Variants in KCNB2 observed in about 807,000 individuals in gnomAD.
KCNB2 encodes potassium voltage-gated channel subfamily B member 2.
A neutral mutation model predicts 61.5 loss-of-function variants in KCNB2; 15 were observed. The observed-to-expected ratio is 0.24, with a 90% CI of 0.16 to 0.38. KCNB2 has a LOEUF of 0.38. KCNB2 is among the 10% of genes least tolerant of loss of function. The pLI, the probability that KCNB2 is intolerant of heterozygous loss-of-function variation, is 1.00. For missense variants in KCNB2, 828 were observed against 1,125.2 expected (o/e 0.74, Z 3.78); for synonymous variants, 457 against 446.0 (o/e 1.02, Z -0.31).
At chr8:72,868,406 C>T (rs942477086) in intron 2 of KCNB2, among the ~76,000 whole-genome samples, 1 of 151,560 alleles carries the variant, frequency 6.6e-6, no homozygotes, top group Admixed American at 6.6e-5. Flanking sequence ...GGTGAAACCC[C>T]GTCTCTACTA....
chr8:72,723,371 C>T (rs1807583015), intron 2 of KCNB2, among the ~76,000 whole-genome samples: 1 of 152,156 alleles, frequency 6.6e-6, no homozygotes. Context: ...TCTTAATAGT[C>T]ACTAAAAAAC....
At chr8:72,920,227 A>G (rs1806482909) in intron 2 of KCNB2, among the ~76,000 whole-genome samples, 2 of 151,782 alleles carry the variant, frequency 1.3e-5, no homozygotes, top group South Asian at 4.2e-4. Context: ...CAAATCATAT[A>G]ATGAAAAAAA....
intron 2 of KCNB2, among the ~76,000 whole-genome samples, chr8:72,934,392 C>G (rs12680574): frequency 2.9e-5 from 3 of 102,190 alleles, no homozygotes; most frequent in South Asian, 3.7e-4. Flanking sequence ...CTTCACCCCC[C>G]GCAAAAAAAA....
At chr8:72,800,100 G>A (rs551514234) in intron 2 of KCNB2, among the ~76,000 whole-genome samples, 9 of 152,228 alleles carry the variant, frequency 5.9e-5, no homozygotes, top group Admixed American at 3.3e-4. Flanking sequence ...GAACTGAAAC[G>A]ATCAGAATTA....
intron 2 of KCNB2, among the ~76,000 whole-genome samples, chr8:72,762,535 G>A (rs564289802): frequency 2.6e-5 from 4 of 152,136 alleles, no homozygotes; most frequent in African/African-American, 9.6e-5. Context: ...GCTCAACATT[G>A]TGTCCTGGGT....
At chr8:72,874,431 A>C (rs1222851184) in intron 2 of KCNB2, among the ~76,000 whole-genome samples, 2 of 152,168 alleles carry the variant, frequency 1.3e-5, no homozygotes, top group Non-Finnish European at 2.9e-5. Flanking sequence ...GCATCTGGAC[A>C]GTCAGTGAGT....
At position 72,938,255 on chromosome 8, in the gene KCNB2, T is replaced by C. The variant is rs1203476961; in HGVS notation, c.*164T>C. On this transcript the variant is annotated 3_prime_UTR_variant, in exon 3 of 3. Coordinates refer to ENST00000523207, the MANE Select transcript of KCNB2 (RefSeq NM_004770.3). Reference sequence around the variant, plus strand: ...GGCATGAACAGTTTAGCTTAAGTACTGTTTAAATAATGAGTCAAGACTGCA... The same window carrying C: ...GGCATGAACAGTTTAGCTTAAGTACCGTTTAAATAATGAGTCAAGACTGCA... 3 of 596,094 alleles carry C rather than the reference T, an allele frequency of 5.0e-6. No individual in the cohort carries two copies. The highest frequency in any genetic ancestry group is 8.9e-6 in the Non-Finnish European group (3 of 338,156). 36.9% of individuals were successfully genotyped at this position (596,094 alleles called of 1,614,324 possible).
At chr8:72,598,442 G>A (rs1235081795) in intron 2 of KCNB2, among the ~76,000 whole-genome samples, 2 of 152,096 alleles carry the variant, frequency 1.3e-5, no homozygotes, top group Non-Finnish European at 2.9e-5. Context: ...GTATTGATGG[G>A]ACATATCTCA....
rs539518944 is a variant in KCNB2, at chr8:72,850,242, T to C, written c.580-85693T>C. Among the ~76,000 whole-genome samples, 6 of 139,604 alleles carry C rather than the reference T, an allele frequency of 4.3e-5. No homozygotes were observed. The East Asian group carries it at 1.2e-3, about 29-fold the overall frequency. 91.6% of individuals were successfully genotyped at this position (139,604 alleles called of 152,430 possible). On this transcript the variant is annotated intron_variant, in intron 2 of 2. Transcript: ENST00000523207. ...GTGTATGTGTGTGTGTGTGTGTAAATAGAGTCTCACTCTGTCACCCAGGCT... is the reference window on the plus strand; with the variant it reads ...GTGTATGTGTGTGTGTGTGTGTAAACAGAGTCTCACTCTGTCACCCAGGCT...
rs141689747 is a variant in KCNB2 at position 72,736,831 on chromosome 8, G to A, written c.579+168518G>A. Among the ~76,000 whole-genome samples, 776 of 152,162 alleles carry A rather than the reference G, an allele frequency of 5.1e-3. 9 individuals carry two copies. The highest frequency in any genetic ancestry group is 0.037 in the Middle Eastern group (11 of 294). On this transcript the variant is annotated intron_variant, in intron 2 of 2. Coordinates refer to ENST00000523207, the MANE Select transcript of KCNB2 (RefSeq NM_004770.3). Reference sequence around the variant, plus strand: ...TTCTTTGGGAGCACTCTACTGCAGCGGACCTCAACTGCTGAGAAATTTAAT... The same window carrying A: ...TTCTTTGGGAGCACTCTACTGCAGCAGACCTCAACTGCTGAGAAATTTAAT...
intron 2 of KCNB2, among the ~76,000 whole-genome samples, chr8:72,581,683 C>T (rs1045362520): frequency 5.3e-5 from 8 of 152,124 alleles, no homozygotes; most frequent in African/African-American, 7.2e-5. Context: ...TGTACGTTTT[C>T]GATATAGGCT....
chr8:72,713,484 G>A (rs1056300275), intron 2 of KCNB2, among the ~76,000 whole-genome samples: 6 of 152,192 alleles, frequency 3.9e-5, no homozygotes, highest in African/African-American at 1.4e-4. Context: ...CGATCAGGCA[G>A]CAGCATTTGC....
intron 2 of KCNB2, among the ~76,000 whole-genome samples, chr8:72,773,817 C>G (rs555772421): frequency 1.2e-4 from 18 of 152,086 alleles, no homozygotes; most frequent in Non-Finnish European, 2.1e-4. Context: ...GAACTATGTG[C>G]TAAAATATTT....
chr8:72,618,051 C>A (rs1805649590), intron 2 of KCNB2, among the ~76,000 whole-genome samples: 2 of 152,142 alleles, frequency 1.3e-5, no homozygotes, highest in Admixed American at 1.3e-4. Flanking sequence ...ACCTTGGTAC[C>A]TGCACACACT....
At position 72,833,203 on chromosome 8, in the gene KCNB2, G is replaced by T. The variant is rs568463242; in HGVS notation, c.580-102732G>T. Among the ~76,000 whole-genome samples the T allele has an allele frequency of 3.9e-5, 6 of 152,302 alleles. No homozygotes were observed. In the South Asian group the frequency reaches 1.2e-3, roughly 32 times the overall value. On this transcript the variant is annotated intron_variant, in intron 2 of 2. Coordinates refer to ENST00000523207, the MANE Select transcript of KCNB2 (RefSeq NM_004770.3). ...GAAAAGGAGAGATCAAGCAAGTAAT[G>T]AGTATGTTACAATAAAATTTTAAAG...
chr8:72,654,709 G>A (rs758885781), intron 2 of KCNB2, among the ~76,000 whole-genome samples: 2 of 152,008 alleles, frequency 1.3e-5, no homozygotes, highest in Non-Finnish European at 2.9e-5. Context: ...AGTGAACATA[G>A]GTATTTTAAA....
chr8:72,840,272 G>A (rs1048541489), intron 2 of KCNB2, among the ~76,000 whole-genome samples: 1 of 152,168 alleles, frequency 6.6e-6, no homozygotes, highest in Admixed American at 6.5e-5. Flanking sequence ...AGTATTCCAT[G>A]GTGTATATGT....
chr8:72,882,538 A>AGAGAGAGAGAGC (rs1554541255), intron 2 of KCNB2, among the ~76,000 whole-genome samples: 2,001 of 151,016 alleles, frequency 0.013, 45 homozygotes, highest in African/African-American at 0.041. Flanking sequence ...AGAGAGAGAG[A>AGAGAGAGAGAGC]GAGAGAGAGA....
rs376878235 is a variant in KCNB2, at chr8:72,839,347, C to A, written c.580-96588C>A. ...TTTTAGAAAATCTCAGATTCAACTT[C>A]CATTCAGCCAATATCTTTTGAACAC... On this transcript the variant is annotated intron_variant, in intron 2 of 2. Coordinates refer to ENST00000523207, the MANE Select transcript of KCNB2 (RefSeq NM_004770.3). Among the ~76,000 whole-genome samples, 1,086 of 152,262 alleles carry A rather than the reference C, an allele frequency of 7.1e-3. 11 individuals carry two copies. Among genetic ancestry groups the A allele is most frequent in the South Asian group, 0.037 (178 of 4,832 alleles).
Sources: allele counts gnomAD v4.1 joint callset (sites outside exome capture counted in the v4.1 genomes callset), GRCh38; gene constraint gnomAD v4.1.1; transcripts MANE v1.5; gene names NCBI Gene and HGNC (gene_info 2026-07-23, HGNC 2026-07-21).